Variants in FGGY observed in about 807,000 individuals in gnomAD.
FGGY encodes the protein FGGY carbohydrate kinase domain containing, also known as FGGY carbohydrate kinase domain-containing protein.
In FGGY, 72 loss-of-function variants were observed where a neutral mutation model predicts 71.3. That is an observed-to-expected ratio of 1.01 (90% CI 0.84 to 1.23). The LOEUF is 1.23. Among genes scored for constraint, FGGY ranks in the 50% most tolerant of loss-of-function variants. The pLI, the probability that FGGY is intolerant of heterozygous loss-of-function variation, is 0.00. For missense variants in FGGY, 668 were observed against 682.3 expected (o/e 0.98, Z 0.23); for synonymous variants, 251 against 250.3 (o/e 1.00, Z -0.02).
At chr1:59,352,764 C>T (rs77613143) in intron 4 of FGGY, among the ~76,000 whole-genome samples, 3,715 of 152,172 alleles carry the variant, frequency 0.024, 173 homozygotes, top group African/African-American at 0.086. Context: ...AGAGGCTGGA[C>T]GAAGCTAATT....
intron 6 of FGGY, among the ~76,000 whole-genome samples, chr1:59,469,004 A>G (rs746125958): frequency 1.3e-5 from 2 of 152,156 alleles, no homozygotes; most frequent in Non-Finnish European, 2.9e-5. Flanking sequence ...CACTGAATCA[A>G]AGTTCAGGGA....
chr1:59,305,485 G>A (rs1294678782), intron 1 of FGGY, among the ~76,000 whole-genome samples: 1 of 152,096 alleles, frequency 6.6e-6, no homozygotes, highest in African/African-American at 2.4e-5. Context: ...TTTTGCATCT[G>A]TGTTCATTGT....
chr1:59,511,324 C>A (rs1417872742), intron 6 of FGGY, among the ~76,000 whole-genome samples: 1 of 152,124 alleles, frequency 6.6e-6, no homozygotes, highest in Non-Finnish European at 1.5e-5. Context: ...CAAGTGGCAT[C>A]TTAGCACTCA....
chr1:59,673,912 C>T (rs956100590), intron 13 of FGGY, 127 bp from the exon 14 acceptor site: 4 of 689,412 alleles, frequency 5.8e-6, no homozygotes, highest in Admixed American at 2.3e-5. Context: ...GGGAGGACTG[C>T]AGGGAGTCGG....
intron 5 of FGGY, among the ~76,000 whole-genome samples, chr1:59,382,605 A>G (rs2059602533): frequency 6.6e-6 from 1 of 152,130 alleles, no homozygotes; most frequent in African/African-American, 2.4e-5. Flanking sequence ...TGTGATGTTA[A>G]TTGTTCAAAG....
chr1:59,445,440 G>A (rs1285045569), intron 5 of FGGY, among the ~76,000 whole-genome samples: 1 of 152,106 alleles, frequency 6.6e-6, no homozygotes, highest in East Asian at 1.9e-4. Context: ...CTTCAGTATG[G>A]TTCCTGTGAG....
At chr1:59,452,287 A>G (rs1336074044) in intron 5 of FGGY, among the ~76,000 whole-genome samples, 1 of 152,150 alleles carries the variant, frequency 6.6e-6, no homozygotes. Context: ...TTACTATGGT[A>G]AATTAAGATA....
chr1:59,698,873 G>A (rs2097686704), intron 14 of FGGY: 1 of 985,290 alleles, frequency 1.0e-6, no homozygotes, highest in Admixed American at 6.2e-5. Context: ...TAATGAAACT[G>A]AATTGTACAT....
At chr1:59,408,212 T>G (rs954886901) in intron 5 of FGGY, among the ~76,000 whole-genome samples, 1 of 152,178 alleles carries the variant, frequency 6.6e-6, no homozygotes, top group Admixed American at 6.5e-5. Flanking sequence ...AAATGGGACA[T>G]TGCATAAATA....
chr1:59,739,437 G>T (rs936566023), intron 14 of FGGY, among the ~76,000 whole-genome samples: 1 of 152,170 alleles, frequency 6.6e-6, no homozygotes, highest in Non-Finnish European at 1.5e-5. Flanking sequence ...GTTCTTTTGA[G>T]TTTTACTCTC....
At chr1:59,429,897 CT>C (rs1469181721) in intron 5 of FGGY, among the ~76,000 whole-genome samples, 1 of 152,164 alleles carries the variant, frequency 6.6e-6, no homozygotes, top group Non-Finnish European at 1.5e-5. Flanking sequence ...ATAGTTCTTT[CT>C]TTGATTCTTT....
At chr1:59,376,832 G>A (rs1233775576) in intron 4 of FGGY, among the ~76,000 whole-genome samples, 1 of 152,166 alleles carries the variant, frequency 6.6e-6, no homozygotes, top group Admixed American at 6.5e-5. Context: ...AAGTTATCTG[G>A]ATGGTAGGAA....
chr1:59,494,837 T>C (rs917024013), intron 6 of FGGY, among the ~76,000 whole-genome samples: 1 of 152,216 alleles, frequency 6.6e-6, no homozygotes, highest in Admixed American at 6.5e-5. Flanking sequence ...GAACAATTTA[T>C]ATTCCTTTGG....
intron 6 of FGGY, among the ~76,000 whole-genome samples, chr1:59,461,770 CTTTTGTTTTGTTTTG>C (rs150075939): frequency 2.0e-5 from 3 of 151,820 alleles, no homozygotes; most frequent in Admixed American, 1.3e-4. Flanking sequence ...ATTCAACATT[CTTTTGTTTTGTTTTG>C]TTTTGTTTTG....
Position 59,660,357 on chromosome 1 carries a change from C to G in FGGY, c.1296+64C>G, listed in dbSNP as rs893308985. 11 of 1,253,670 alleles carry G rather than the reference C, an allele frequency of 8.8e-6. No homozygotes were observed. The South Asian group carries it at 1.4e-4, about 16-fold the overall frequency. 77.7% of individuals were successfully genotyped at this position (1,253,670 alleles called of 1,614,324 possible). A position where few individuals can be genotyped will look rare whatever the true frequency, so the allele number is the denominator to read the frequency against. Reference sequence around the variant, plus strand: ...CCATCAGTATACTCTAGGCCACTGGCTCCCCAAGATACAGCACATGCTTTT... The same window carrying G: ...CCATCAGTATACTCTAGGCCACTGGGTCCCCAAGATACAGCACATGCTTTT... On this transcript the variant is annotated intron_variant, in intron 12 of 15. Coordinates refer to ENST00000303721, the MANE Select transcript of FGGY (RefSeq NM_018291.5).
chr1:59,634,455 G>A (rs942005754), intron 10 of FGGY, among the ~76,000 whole-genome samples: 4 of 152,026 alleles, frequency 2.6e-5, no homozygotes, highest in African/African-American at 9.7e-5. Flanking sequence ...CAATATGGAA[G>A]CTTCTTTTCT....
At chr1:59,586,928 G>A (rs1289605904) in intron 8 of FGGY, among the ~76,000 whole-genome samples, 1 of 152,204 alleles carries the variant, frequency 6.6e-6, no homozygotes, top group African/African-American at 2.4e-5. Flanking sequence ...ACTAGGGAGT[G>A]CCAGACAGTG....
At chr1:59,513,863 A>G (rs1384158182) in intron 7 of FGGY, among the ~76,000 whole-genome samples, 1 of 152,210 alleles carries the variant, frequency 6.6e-6, no homozygotes. Context: ...TCTACATACT[A>G]CATGGATTTC....
intron 3 of FGGY, among the ~76,000 whole-genome samples, chr1:59,342,706 G>A (rs1454506923): frequency 1.3e-5 from 2 of 152,120 alleles, no homozygotes; most frequent in Non-Finnish European, 1.5e-5. Flanking sequence ...ACTCTTGATT[G>A]GCTAATGGGA....
Sources: gnomAD v4.1 joint callset for allele counts (sites outside exome capture counted in the v4.1 genomes callset) on GRCh38, gnomAD v4.1.1 for gene constraint, MANE v1.5 for transcripts, NCBI Gene and HGNC (gene_info 2026-07-23, HGNC 2026-07-21) for gene names.